MBP: variants seen among roughly 807,000 people sequenced by gnomAD.
MBP encodes the protein myelin basic protein, also known as Golli-MBP.
In MBP, 16 loss-of-function variants were observed where a neutral mutation model predicts 35.8. That is an observed-to-expected ratio of 0.45 (90% confidence interval 0.30 to 0.68). MBP has a LOEUF of 0.68. Ranked by LOEUF, MBP falls within the 30% of genes least tolerant of loss-of-function variation. The pLI, the probability that MBP is intolerant of heterozygous loss-of-function variation, is 0.08. For missense variants in MBP, 380 were observed against 404.7 expected (o/e 0.94, Z 0.52); for synonymous variants, 143 against 159.6 (o/e 0.90, Z 0.78).
At chr18:77,076,440 C>T (rs1400327635) in intron 2 of MBP, among the ~76,000 whole-genome samples, 1 of 152,246 alleles carries the variant, frequency 6.6e-6, no homozygotes, top group Non-Finnish European at 1.5e-5. Context: ...CCAGCTGCAC[C>T]TGCAGAGGGC....
rs978886486 is a variant in MBP at position 76,984,614 on chromosome 18, G to A, written c.870+161C>T. 21 of 869,268 alleles carry A rather than the reference G, an allele frequency of 2.4e-5. No homozygotes were observed. In the Admixed American group the frequency reaches 5.1e-4, roughly 21 times the overall value. 53.8% of individuals were successfully genotyped at this position (869,268 alleles called of 1,614,324 possible). A position where few individuals can be genotyped will look rare whatever the true frequency, so the allele number is the denominator to read the frequency against. ...AGGAAATCCACGCGTAAATGCGGGT[G>A]GGCAATGCCACCTGAGCCCCTGCAC... On this transcript the variant is annotated intron_variant, in intron 8 of 8. Transcript: ENST00000355994.
intron 3 of MBP, among the ~76,000 whole-genome samples, chr18:77,056,110 T>C (rs1372202133): frequency 6.6e-6 from 1 of 152,106 alleles, no homozygotes; most frequent in Non-Finnish European, 1.5e-5. Flanking sequence ...CCGCTGGCAG[T>C]GCATTTCCTG....
chr18:77,072,897 C>T (rs1308116126), intron 2 of MBP, among the ~76,000 whole-genome samples: 1 of 152,240 alleles, frequency 6.6e-6, no homozygotes, highest in African/African-American at 2.4e-5. Flanking sequence ...AAGCTCACTG[C>T]TTTTAGGACG....
intron 3 of MBP, among the ~76,000 whole-genome samples, chr18:77,038,981 C>T (rs79612262): frequency 0.018 from 2,666 of 152,286 alleles, 59 homozygotes; most frequent in East Asian, 0.098. Flanking sequence ...TGTTTTTGTA[C>T]ATCTCGAAAG....
At chr18:76,991,745 G>C (rs1287777616) in intron 4 of MBP, among the ~76,000 whole-genome samples, 1 of 152,176 alleles carries the variant, frequency 6.6e-6, no homozygotes, top group Non-Finnish European at 1.5e-5. Flanking sequence ...TGCTGGCTGC[G>C]CCCCGTCGAC....
At position 77,044,343 on chromosome 18, in the gene MBP, G is replaced by A. The variant is rs893177340; in HGVS notation, c.139+21955C>T. On this transcript the variant is annotated intron_variant, in intron 3 of 8. Coordinates refer to ENST00000355994, the MANE Select transcript of MBP (RefSeq NM_001025101.2). This position sits in a 1 kb window ranked among gnomAD's most constrained non-coding sequence, Gnocchi z 4.4. ...CTGTCCTCCAAGCTTCAGGTCCACCGTGACCTCCCCCAACTCTGCTGCAGC... is the reference window on the plus strand; with the variant it reads ...CTGTCCTCCAAGCTTCAGGTCCACCATGACCTCCCCCAACTCTGCTGCAGC... Among the ~76,000 whole-genome samples, 1 of 152,022 alleles carries A rather than the reference G, an allele frequency of 6.6e-6. No homozygotes were observed. The highest frequency in any genetic ancestry group is 1.5e-5 in the Non-Finnish European group (1 of 67,996).
chr18:76,991,355 T>C (rs1969903218), intron 4 of MBP, among the ~76,000 whole-genome samples: 1 of 151,424 alleles, frequency 6.6e-6, no homozygotes, highest in African/African-American at 2.4e-5. Flanking sequence ...TAGCTCACAG[T>C]GGAGGGAAGG....
chr18:77,005,740 AG>A lies in MBP; in HGVS notation c.576+11091del, dbSNP rs1159853956. The A allele has an allele frequency of 3.3e-5, 5 of 152,522 alleles. No homozygotes were observed. In the East Asian group the frequency reaches 9.6e-4, roughly 29 times the overall value. The allele number at this position is 152,522 out of a possible 1,614,324, so 9.4% of individuals were successfully genotyped here. ...CCAAAGCTACAGCCTTGAGGGGCAG[AG>A]GGGCCAGGGCCAGCAGGGCTTTTAG... On this transcript the variant is annotated intron_variant, in intron 4 of 8. Transcript: ENST00000355994.
intron 1 of MBP, chr18:77,114,757 G>A (rs754693331): frequency 6.6e-5 from 10 of 152,314 alleles, no homozygotes; most frequent in Non-Finnish European, 1.2e-4. Context: ...GCAGTCATGT[G>A]GGGCTTAGTC....
At chr18:77,025,927 G>C (rs2282571) in intron 3 of MBP, among the ~76,000 whole-genome samples, 18,200 of 152,036 alleles carry the variant, frequency 0.12, 1,326 homozygotes, top group East Asian at 0.27. Context: ...TGGGCAGCGG[G>C]TTACTCCCTC....
At chr18:76,987,179 G>A (rs1224994688) in intron 7 of MBP, 26 of 985,390 alleles carry the variant, frequency 2.6e-5, no homozygotes, top group Non-Finnish European at 3.1e-5. Flanking sequence ...CCGGCACGAC[G>A]GCCCCAAAGT....
intron 3 of MBP, among the ~76,000 whole-genome samples, chr18:77,032,709 T>C (rs1972589009): frequency 6.6e-6 from 1 of 152,188 alleles, no homozygotes; most frequent in Non-Finnish European, 1.5e-5. Flanking sequence ...TTCATGTAGA[T>C]TCGGTTAGGT....
chr18:76,996,580 G>C (rs1163704915), intron 4 of MBP, among the ~76,000 whole-genome samples: 1 of 152,148 alleles, frequency 6.6e-6, no homozygotes, highest in African/African-American at 2.4e-5. Flanking sequence ...CAGCTTAGAG[G>C]CCTCTCCAAG....
chr18:77,110,244 A>G (rs975595671), intron 1 of MBP: 1 of 152,230 alleles, frequency 6.6e-6, no homozygotes, highest in Non-Finnish European at 1.5e-5. Flanking sequence ...TAAATTATTA[A>G]TCAATACAAT....
intron 3 of MBP, among the ~76,000 whole-genome samples, chr18:77,058,760 A>C (rs1369270918): frequency 6.6e-6 from 1 of 152,228 alleles, no homozygotes; most frequent in Non-Finnish European, 1.5e-5. Flanking sequence ...GGGGACCTGG[A>C]GGCCCTGGAG....
At chr18:77,105,427 G>T in intron 1 of MBP, 141 bp from the exon 2 acceptor site, 3 of 549,790 alleles carry the variant, frequency 5.5e-6, no homozygotes, top group South Asian at 1.8e-5. Flanking sequence ...GAAAACAGAA[G>T]AGACACGTCC....
At chr18:77,015,971 G>T in intron 4 of MBP, 1 of 985,268 alleles carries the variant, frequency 1.0e-6, no homozygotes, top group Non-Finnish European at 1.2e-6. Flanking sequence ...GGACTTTTTT[G>T]GGAAAAACTT....
At chr18:77,119,164 C>T (rs913001942) in intron 1 of MBP, among the ~76,000 whole-genome samples, 2 of 152,176 alleles carry the variant, frequency 1.3e-5, no homozygotes, top group Non-Finnish European at 2.9e-5. Flanking sequence ...TCACTTGCCC[C>T]AGCCCAGAAC....
rs369696973 is a variant in MBP, at chr18:77,051,852, T to C, written c.139+14446A>G. Among the ~76,000 whole-genome samples, 169 of 152,238 alleles carry C rather than the reference T, an allele frequency of 1.1e-3. 1 individual carries two copies. The highest frequency in any genetic ancestry group is 1.0e-4 in the Non-Finnish European group (7 of 68,018). On this transcript the variant is annotated intron_variant, in intron 3 of 8. Coordinates refer to ENST00000355994, the MANE Select transcript of MBP (RefSeq NM_001025101.2). ...CTGCATGTAACAGTGGGCTTAATTTTCCCTTTTTTTAACACCTTGTTTCTT... is the reference window on the plus strand; with the variant it reads ...CTGCATGTAACAGTGGGCTTAATTTCCCCTTTTTTTAACACCTTGTTTCTT...
Sources: gnomAD v4.1 joint callset for allele counts (sites outside exome capture counted in the v4.1 genomes callset) on GRCh38, gnomAD v4.1.1 for gene constraint, Gnocchi (gnomAD v3.1) non-coding constraint, MANE v1.5 for transcripts, NCBI Gene and HGNC (gene_info 2026-07-23, HGNC 2026-07-21) for gene names.